Variants in SH3PXD2B observed in about 807,000 individuals in gnomAD.
SH3PXD2B encodes the protein SH3 and PX domain-containing protein 2B.
A neutral mutation model predicts 73.1 loss-of-function variants in SH3PXD2B; 37 were observed. The observed-to-expected ratio is 0.51, with a 90% CI of 0.39 to 0.67. The LOEUF is 0.67. Ranked by LOEUF, SH3PXD2B falls within the 30% of genes least tolerant of loss-of-function variation. The pLI, the probability that SH3PXD2B is intolerant of heterozygous loss-of-function variation, is 0.00. For missense variants in SH3PXD2B, 1,053 were observed against 1,197.8 expected (o/e 0.88, Z 1.78); for synonymous variants, 457 against 480.5 (o/e 0.95, Z 0.64).
At chr5:172,444,951 C>A (rs1759631237) in intron 1 of SH3PXD2B, among the ~76,000 whole-genome samples, 1 of 152,154 alleles carries the variant, frequency 6.6e-6, no homozygotes, top group African/African-American at 2.4e-5. Flanking sequence ...TCCTTCTGGC[C>A]CCTCTACCCA....
At chr5:172,365,066 C>T (rs74699218) in intron 6 of SH3PXD2B, among the ~76,000 whole-genome samples, 2 of 152,200 alleles carry the variant, frequency 1.3e-5, no homozygotes, top group Non-Finnish European at 2.9e-5. Flanking sequence ...ACTCCCCCTC[C>T]CTGCCTGAGG....
chr5:172,356,388 T>C (rs574615853), intron 8 of SH3PXD2B, among the ~76,000 whole-genome samples: 2 of 152,322 alleles, frequency 1.3e-5, no homozygotes, highest in African/African-American at 2.4e-5. Context: ...CCGGTTTACA[T>C]GGATTTCTTT....
intron 12 of SH3PXD2B, 131 bp from the exon 13 acceptor site, chr5:172,340,047 G>C (rs1756817959): frequency 6.6e-7 from 1 of 1,510,942 alleles, no homozygotes; most frequent in Non-Finnish European, 9.0e-7. Flanking sequence ...CTCTGACAAG[G>C]TCTACAGGGA....
intron 3 of SH3PXD2B, among the ~76,000 whole-genome samples, chr5:172,395,692 A>G (rs146904906): frequency 1.9e-3 from 288 of 152,320 alleles, no homozygotes; most frequent in Middle Eastern, 6.8e-3. Context: ...TTAAGACCAC[A>G]TGACTCACCA....
Position 172,333,749 on chromosome 5 carries a change from G to C in SH3PXD2B, c.*4620C>G, listed in dbSNP as rs1756620409. On this transcript the variant is annotated 3_prime_UTR_variant, in exon 13 of 13. Transcript: ENST00000311601. ...GTCATCCTATGAGCAGACACGAGGTGGTGGGCAGTGCCCACTGTTCCTGGA... is the reference window on the plus strand; with the variant it reads ...GTCATCCTATGAGCAGACACGAGGTCGTGGGCAGTGCCCACTGTTCCTGGA... The C allele has an allele frequency of 7.8e-6, 10 of 1,289,336 alleles. No homozygotes were observed. The highest frequency in any genetic ancestry group is 1.0e-5 in the Non-Finnish European group (10 of 988,844). The allele number at this position is 1,289,336 out of a possible 1,614,324, so 79.9% of individuals were successfully genotyped here.
intron 1 of SH3PXD2B, among the ~76,000 whole-genome samples, chr5:172,442,601 A>C (rs562778200): frequency 4.6e-4 from 70 of 152,308 alleles, no homozygotes; most frequent in African/African-American, 1.6e-3. Flanking sequence ...TAAGGAGTAC[A>C]TCCTTAATTA....
chr5:172,351,974 G>A (rs1368415864), intron 9 of SH3PXD2B, among the ~76,000 whole-genome samples: 1 of 152,126 alleles, frequency 6.6e-6, no homozygotes, highest in Non-Finnish European at 1.5e-5. Flanking sequence ...GGGAGGCGAT[G>A]TGCAGTGCTG....
intron 3 of SH3PXD2B, among the ~76,000 whole-genome samples, chr5:172,402,718 G>A (rs1467482543): frequency 2.0e-5 from 3 of 152,222 alleles, no homozygotes; most frequent in African/African-American, 7.2e-5. Flanking sequence ...CGGAGCCTCA[G>A]TCTCCTCATC....
At chr5:172,357,225 A>G (rs1757300500) in intron 8 of SH3PXD2B, among the ~76,000 whole-genome samples, 1 of 151,784 alleles carries the variant, frequency 6.6e-6, no homozygotes, top group Non-Finnish European at 1.5e-5. Flanking sequence ...GGAGTTCGAG[A>G]TCAGCCTGGC....
At position 172,368,895 on chromosome 5, in the gene SH3PXD2B, T is replaced by A. The variant is rs550976742; in HGVS notation, c.427+4895A>T. On this transcript the variant is annotated intron_variant, in intron 6 of 12. Coordinates refer to ENST00000311601, the MANE Select transcript of SH3PXD2B (RefSeq NM_001017995.3). ...TAAATATATAATATAAAAAAAAATA[T>A]ATATATATATATTTTTGAGACGGAG... 1.0e-3 allele frequency among the ~76,000 whole-genome samples: 141 copies of A among 139,088 alleles called. 1 individual carries two copies. The Middle Eastern group carries it at 0.033, about 32-fold the overall frequency. The allele number at this position is 139,088 out of a possible 152,430, so 91.2% of individuals were successfully genotyped here.
downstream of SH3PXD2B, among the ~76,000 whole-genome samples, chr5:172,329,992 T>C (rs1756526461): frequency 6.6e-6 from 1 of 152,228 alleles, no homozygotes; most frequent in African/African-American, 2.4e-5. Flanking sequence ...GTTTCCTATA[T>C]GTGGCAATCT....
At chr5:172,325,459 C>T (rs2113207360) in intron 12 of SH3PXD2B, 1 of 935,474 alleles carries the variant, frequency 1.1e-6, no homozygotes, top group East Asian at 2.7e-5. Flanking sequence ...GGGACTTTGT[C>T]TGTTTGTCTA....
intron 3 of SH3PXD2B, among the ~76,000 whole-genome samples, chr5:172,404,995 T>C (rs1252309672): frequency 1.3e-5 from 2 of 152,230 alleles, no homozygotes; most frequent in East Asian, 1.9e-4. Flanking sequence ...GCAGGGCTGC[T>C]CTGAGGAGCA....
intron 1 of SH3PXD2B, among the ~76,000 whole-genome samples, chr5:172,427,493 G>A (rs1759123615): frequency 6.6e-6 from 1 of 152,132 alleles, no homozygotes; most frequent in South Asian, 2.1e-4. Flanking sequence ...CTACAGGCAT[G>A]TGCCATTATG....
chr5:172,347,474 T>A (rs1414268538), intron 10 of SH3PXD2B, 142 bp from the exon 11 acceptor site: 1 of 837,152 alleles, frequency 1.2e-6, no homozygotes, highest in East Asian at 2.6e-5. Context: ...GAGAACAGCC[T>A]GGGCAGGAAG....
intron 2 of SH3PXD2B, among the ~76,000 whole-genome samples, chr5:172,420,469 T>C (rs1292152848): frequency 6.6e-6 from 1 of 151,852 alleles, no homozygotes; most frequent in African/African-American, 2.4e-5. Flanking sequence ...AAATTCTCTA[T>C]TCAGCACTGT....
In SH3PXD2B at chr5:172,338,714, A is replaced by G; in HGVS notation, c.2391T>C (p.Ala797=). 9 of 1,614,116 alleles carry G rather than the reference A, an allele frequency of 5.6e-6. No homozygotes were observed. The highest frequency in any genetic ancestry group is 7.6e-6 in the Non-Finnish European group (9 of 1,180,012). The part of the protein sequence containing the change: ...ESRAAPTPGR[A]LLVPPKAKPF... ...GTTTGGCTTTTGGAGGGACGAGGAG[A>G]GCACGGCCTGGGGTGGGAGCTGCCC... The change falls in exon 13 of 13, where the codon GCT becomes GCC. Residue 797 remains alanine, a synonymous_variant. Transcript: ENST00000311601. The surrounding 1 kb of genome is among the most constrained non-coding windows in gnomAD (Gnocchi z 5.1).
intron 1 of SH3PXD2B, among the ~76,000 whole-genome samples, chr5:172,435,699 T>C (rs946372955): frequency 2.0e-5 from 3 of 152,164 alleles, no homozygotes; most frequent in Admixed American, 6.5e-5. Context: ...GCTGGAATTA[T>C]AGGTGCGAGC....
intron 4 of SH3PXD2B, among the ~76,000 whole-genome samples, chr5:172,386,299 G>A (rs574955533): frequency 6.6e-6 from 1 of 152,304 alleles, no homozygotes; most frequent in South Asian, 2.1e-4. Context: ...GGATAACCCT[G>A]TTGGCTCTCT....
Sources: allele counts gnomAD v4.1 joint callset (sites outside exome capture counted in the v4.1 genomes callset), GRCh38; gene constraint gnomAD v4.1.1; non-coding constraint Gnocchi (gnomAD v3.1); transcripts MANE v1.5; gene names NCBI Gene and HGNC (gene_info 2026-07-23, HGNC 2026-07-21).